The following TRPC5 variants were observed in gnomAD, a reference collection of about 807,000 sequenced individuals.
The protein encoded by TRPC5 is short transient receptor potential channel 5.
In TRPC5, 9 loss-of-function variants were observed where a neutral mutation model predicts 56.5. The ratio of observed to expected loss-of-function variants is 0.16; its 90% CI spans 0.10 to 0.28. The LOEUF (loss-of-function observed/expected upper bound fraction) is 0.28, where lower values mean the gene tolerates loss of function less well. Among genes scored for constraint, TRPC5 ranks in the 10% least tolerant of loss-of-function variants. The pLI is 1.00. For missense variants in TRPC5, 469 were observed against 748.9 expected, an observed-to-expected ratio of 0.63 and a Z score of 4.36; for synonymous variants, 282 against 278.5, an observed-to-expected ratio of 1.01 and a Z score of -0.13.
intron 1 of TRPC5, among the ~76,000 whole-genome samples, chrX:112,034,749 TTG>T (rs1361627213): frequency 9.0e-6 from 1 of 110,851 alleles, no homozygotes; most frequent in Admixed American, 9.7e-5. Flanking sequence ...ATCTAATTTG[TTG>T]TGACATAATT....
chrX:111,820,573 C>T (rs778837825), intron 7 of TRPC5, among the ~76,000 whole-genome samples: 33 of 111,866 alleles, frequency 2.9e-4, no homozygotes, highest in Non-Finnish European at 5.6e-5. Context: ...TAGCCATGCC[C>T]GTTCATTTAT....
intron 3 of TRPC5, among the ~76,000 whole-genome samples, chrX:111,885,108 GCC>G (rs1924414599): frequency 8.8e-6 from 1 of 113,063 alleles, no homozygotes; most frequent in Non-Finnish European, 1.9e-5. Flanking sequence ...CCAGGCTTAT[GCC>G]TAGTTAAGTC....
At chrX:111,956,771 C>T (rs1264059796) in intron 1 of TRPC5, among the ~76,000 whole-genome samples, 1 of 111,487 alleles carries the variant, frequency 9.0e-6, no homozygotes, top group Non-Finnish European at 1.9e-5. Flanking sequence ...CTAGAATAAC[C>T]CCCAGCCCAA....
rs1945834017 is a variant in TRPC5, at chrX:111,769,907, T to C, written c.*6406A>G. Among the ~76,000 whole-genome samples the C allele has an allele frequency of 8.9e-6, 1 of 111,935 alleles. No individual in the cohort carries two copies. Among genetic ancestry groups the C allele is most frequent in the African/African-American group, 3.2e-5 (1 of 30,837 alleles). The stretch of plus-strand genomic sequence containing the variant: ...ATTTAATCTTATAGGATCATGATTT[T>C]CTACCATTGAGGATATTCAGAGATT... On this transcript the variant is annotated 3_prime_UTR_variant, in exon 11 of 11. Coordinates refer to ENST00000262839, the MANE Select transcript of TRPC5 (RefSeq NM_012471.3).
intron 1 of TRPC5, among the ~76,000 whole-genome samples, chrX:112,016,360 AGT>A (rs113555140): frequency 0.061 from 6,223 of 101,655 alleles, 185 homozygotes; most frequent in African/African-American, 0.12. Flanking sequence ...GGAAGGTTGG[AGT>A]GTGTGTGTGT....
intron 3 of TRPC5, among the ~76,000 whole-genome samples, chrX:111,907,989 C>G (rs930480326): frequency 1.8e-5 from 2 of 111,315 alleles, no homozygotes; most frequent in African/African-American, 6.5e-5. Context: ...CATCATTGAG[C>G]TAAATTTATA....
intron 1 of TRPC5, among the ~76,000 whole-genome samples, chrX:112,013,310 C>T (rs1929039186): frequency 9.0e-6 from 1 of 111,344 alleles, no homozygotes; most frequent in African/African-American, 3.3e-5. Flanking sequence ...GCCACCATGC[C>T]CAGCTAATTT....
chrX:111,812,050 T>C (rs1238428517), intron 7 of TRPC5, among the ~76,000 whole-genome samples: 1 of 111,175 alleles, frequency 9.0e-6, no homozygotes, highest in African/African-American at 3.3e-5. Context: ...ATTCAACTCC[T>C]GTGGGTATTC....
intron 1 of TRPC5, among the ~76,000 whole-genome samples, chrX:112,010,209 C>T (rs1007061888): frequency 1.2e-4 from 13 of 112,035 alleles, no homozygotes; most frequent in Admixed American, 2.8e-4. Context: ...CTCTAAGCCA[C>T]AGATTCATCT....
intron 1 of TRPC5, among the ~76,000 whole-genome samples, chrX:111,980,015 T>C (rs1350251884): frequency 9.0e-6 from 1 of 111,683 alleles, no homozygotes; most frequent in Admixed American, 9.5e-5. Flanking sequence ...ACAAAAAAAT[T>C]GTACGTGAAT....
intron 6 of TRPC5, among the ~76,000 whole-genome samples, chrX:111,837,635 G>T (rs1172217622): frequency 1.8e-5 from 2 of 111,419 alleles, no homozygotes; most frequent in South Asian, 3.8e-4. Context: ...TTAATTGGTT[G>T]CTTCTCCTGA....
chrX:111,897,096 G>A (rs764119986), intron 3 of TRPC5, among the ~76,000 whole-genome samples: 18 of 111,833 alleles, frequency 1.6e-4, no homozygotes, highest in Non-Finnish European at 2.6e-4. Context: ...TGTATAAGGT[G>A]TTTATGAAAC....
At chrX:112,034,176 T>C (rs757608519) in intron 1 of TRPC5, among the ~76,000 whole-genome samples, 2 of 111,834 alleles carry the variant, frequency 1.8e-5, no homozygotes, top group South Asian at 7.5e-4. Flanking sequence ...AAAATGCCAT[T>C]GATTTTGATA....
chrX:111,853,096 A>T (rs1181126439), intron 4 of TRPC5, among the ~76,000 whole-genome samples: 1 of 111,653 alleles, frequency 9.0e-6, no homozygotes, highest in Non-Finnish European at 1.9e-5. Flanking sequence ...TTACCTGAGG[A>T]TCATGTTAAA....
chrX:111,801,954 G>C (rs1430398438), intron 7 of TRPC5, among the ~76,000 whole-genome samples: 2 of 111,515 alleles, frequency 1.8e-5, no homozygotes. Context: ...TGAAATCATT[G>C]TCTAACCCAT....
intron 7 of TRPC5, among the ~76,000 whole-genome samples, chrX:111,794,623 A>G (rs1439905178): frequency 8.9e-6 from 1 of 111,875 alleles, no homozygotes. Context: ...TGGCTTGTAA[A>G]CAACAGAAAT....
intron 6 of TRPC5, among the ~76,000 whole-genome samples, chrX:111,838,300 G>A (rs566120970): frequency 4.5e-5 from 5 of 110,710 alleles, no homozygotes; most frequent in African/African-American, 1.6e-4. Flanking sequence ...AGTGTGGTCC[G>A]GTCATCAGGA....
At chrX:111,889,464 A>G (rs1269231073) in intron 3 of TRPC5, among the ~76,000 whole-genome samples, 2 of 112,526 alleles carry the variant, frequency 1.8e-5, no homozygotes, top group Non-Finnish European at 3.8e-5. Context: ...AAGAAATCCT[A>G]TAAGGAAAAC....
intron 2 of TRPC5, 110 bp from the exon 3 acceptor site, chrX:111,912,922 T>C: frequency 1.1e-6 from 1 of 876,225 alleles, no homozygotes; most frequent in Non-Finnish European, 1.6e-6. Flanking sequence ...CATTCTTGTT[T>C]CAATTCTTTT....
Sources: allele counts gnomAD v4.1 joint callset (sites outside exome capture counted in the v4.1 genomes callset), GRCh38; gene constraint gnomAD v4.1.1; transcripts MANE v1.5; gene names NCBI Gene and HGNC (gene_info 2026-07-23, HGNC 2026-07-21).